PSD3: variants seen among roughly 807,000 people sequenced by gnomAD.
The protein encoded by PSD3 is PH and SEC7 domain-containing protein 3.
A neutral mutation model predicts 105.5 loss-of-function variants in PSD3; 49 were observed. The ratio of observed to expected loss-of-function variants is 0.46; its 90% confidence interval spans 0.37 to 0.59. The LOEUF (loss-of-function observed/expected upper bound fraction) is 0.59. PSD3 is among the 20% of genes least tolerant of loss of function. The pLI, the probability that PSD3 is intolerant of heterozygous loss-of-function variation, is 0.00. For synonymous variants in PSD3, 557 were observed against 457.8 expected, an observed-to-expected ratio of 1.22 and a Z score of -2.77; for missense variants, 1,561 against 1,263.8, an observed-to-expected ratio of 1.24 and a Z score of -3.57.
intron 3 of PSD3, among the ~76,000 whole-genome samples, 180 bp downstream of exon 3, chr8:18,871,446 T>A (rs760501796): frequency 6.6e-6 from 1 of 152,198 alleles, no homozygotes; most frequent in Non-Finnish European, 1.5e-5. Flanking sequence ...CACTTTAATA[T>A]CTGAGAAGCT....
At chr8:19,083,890 A>G (rs2129478450) in intron 1 of PSD3, among the ~76,000 whole-genome samples, 1 of 152,244 alleles carries the variant, frequency 6.6e-6, no homozygotes, top group African/African-American at 2.4e-5. Context: ...ATGTCTGGGT[A>G]CCTCCTTTGT....
At chr8:18,694,025 G>C (rs1029290036) in intron 9 of PSD3, among the ~76,000 whole-genome samples, 1 of 152,142 alleles carries the variant, frequency 6.6e-6, no homozygotes, top group Non-Finnish European at 1.5e-5. Flanking sequence ...AAAAGAATTT[G>C]GGATCTGAAA....
rs115604510 is a variant in PSD3, at chr8:19,006,456, G to C, written c.21+7107C>G. Among the ~76,000 whole-genome samples, 1,002 of 151,914 alleles carry C rather than the reference G, an allele frequency of 6.6e-3. 15 individuals carry two copies. The highest frequency in any genetic ancestry group is 0.023 in the African/African-American group (955 of 41,466). On this transcript the variant is annotated intron_variant, in intron 1 of 15. Coordinates refer to ENST00000327040, the MANE Select transcript of PSD3 (RefSeq NM_015310.4). ...CCACGCTTTTGTATTGTTATGCCTT[G>C]ATACTGTGGTTCCACCACAAATTAC...
intron 11 of PSD3, among the ~76,000 whole-genome samples, chr8:18,611,040 A>C (rs1227551603): frequency 6.6e-6 from 1 of 152,178 alleles, no homozygotes; most frequent in Non-Finnish European, 1.5e-5. Context: ...CCCCTAAATA[A>C]TTTACATATA....
intron 1 of PSD3, among the ~76,000 whole-genome samples, chr8:19,063,931 C>G (rs1205237803): frequency 6.6e-6 from 1 of 152,056 alleles, no homozygotes; most frequent in Non-Finnish European, 1.5e-5. Flanking sequence ...CACTTGAGGT[C>G]AGGAGTTCGA....
In PSD3 at chr8:18,529,392, A is replaced by G. The variant is rs1799545739; in HGVS notation, c.*6351T>C. On this transcript the variant is annotated 3_prime_UTR_variant, in exon 16 of 16. Transcript: ENST00000327040. Reference sequence around the variant, plus strand: ...TTGCATCTTAAGGTCTTATGTTTGTATAACTTAAAACATTCACTGTGTGTG... The same window carrying G: ...TTGCATCTTAAGGTCTTATGTTTGTGTAACTTAAAACATTCACTGTGTGTG... 1 of 152,194 alleles carries G rather than the reference A, an allele frequency of 6.6e-6. No homozygotes were observed. The highest frequency in any genetic ancestry group is 2.4e-5 in the African/African-American group (1 of 41,406). The allele number at this position is 152,194 out of a possible 1,614,324, so 9.4% of individuals were successfully genotyped here.
chr8:18,860,712 G>A (rs1282755173), intron 4 of PSD3, among the ~76,000 whole-genome samples: 1 of 151,510 alleles, frequency 6.6e-6, no homozygotes, highest in African/African-American at 2.4e-5. Flanking sequence ...AACATCCAAT[G>A]TTGCAAATAT....
chr8:18,873,767 G>A (rs951480229), intron 2 of PSD3, among the ~76,000 whole-genome samples: 1 of 152,104 alleles, frequency 6.6e-6, no homozygotes, highest in Non-Finnish European at 1.5e-5. Flanking sequence ...CATCATTCTA[G>A]TTTCTGCTTC....
At chr8:18,704,324 C>T (rs1383306072) in intron 9 of PSD3, among the ~76,000 whole-genome samples, 4 of 152,300 alleles carry the variant, frequency 2.6e-5, no homozygotes, top group Non-Finnish European at 5.9e-5. Context: ...ACCTTAAACT[C>T]CGTGTATAAA....
intron 9 of PSD3, among the ~76,000 whole-genome samples, chr8:18,714,441 A>C (rs992254014): frequency 6.6e-6 from 1 of 151,564 alleles, no homozygotes; most frequent in African/African-American, 2.4e-5. Flanking sequence ...AAAAAAAAAA[A>C]CCAAACAACC....
At position 18,892,172 on chromosome 8, in the gene PSD3, C is replaced by G. The variant is rs564973551; in HGVS notation, c.131-19439G>C. Among the ~76,000 whole-genome samples the G allele has an allele frequency of 4.4e-3, 451 of 102,972 alleles. 2 individuals are homozygous for G. Among genetic ancestry groups the G allele is most frequent in the African/African-American group, 0.018 (437 of 23,972 alleles). The allele number at this position is 102,972 out of a possible 152,430, so 67.6% of individuals were successfully genotyped here. A position where few individuals can be genotyped will look rare whatever the true frequency, so the allele number is the denominator to read the frequency against. The stretch of plus-strand genomic sequence containing the variant: ...CCTATTGTTTGCTGTCACTTACTTA[C>G]AATCACACACACACACACACAAACT... On this transcript the variant is annotated intron_variant, in intron 2 of 15. Coordinates refer to ENST00000327040, the MANE Select transcript of PSD3 (RefSeq NM_015310.4).
chr8:18,696,879 A>T (rs1305535177), intron 9 of PSD3, among the ~76,000 whole-genome samples: 1 of 152,206 alleles, frequency 6.6e-6, no homozygotes, highest in Non-Finnish European at 1.5e-5. Context: ...TAAAATGTGT[A>T]AAAAGAAAAC....
chr8:19,072,915 C>T (rs868084573), intron 1 of PSD3, among the ~76,000 whole-genome samples: 6 of 152,224 alleles, frequency 3.9e-5, no homozygotes, highest in South Asian at 2.1e-4. Context: ...ACTTTTGTAC[C>T]GTTGAAATTT....
intron 4 of PSD3, among the ~76,000 whole-genome samples, chr8:18,860,031 T>C (rs1816319946): frequency 6.6e-6 from 1 of 152,172 alleles, no homozygotes; most frequent in Non-Finnish European, 1.5e-5. Flanking sequence ...GTTTAATCCT[T>C]TCTAGAATTT....
intron 10 of PSD3, among the ~76,000 whole-genome samples, chr8:18,649,992 GT>G (rs1394114442): frequency 6.6e-6 from 1 of 152,118 alleles, no homozygotes; most frequent in Non-Finnish European, 1.5e-5. Context: ...AACCTCTTTT[GT>G]TTACAAATTA....
intron 6 of PSD3, among the ~76,000 whole-genome samples, chr8:18,802,116 A>G (rs1810750871): frequency 6.6e-6 from 1 of 152,052 alleles, no homozygotes; most frequent in Admixed American, 6.6e-5. Context: ...TGCACAGGAG[A>G]TTTCTGTTAA....
At chr8:18,850,400 T>C (rs1815467123) in intron 4 of PSD3, among the ~76,000 whole-genome samples, 1 of 152,236 alleles carries the variant, frequency 6.6e-6, no homozygotes. Context: ...TGATCAAAGA[T>C]GATCAGCTGT....
At chr8:18,955,756 T>TTTTA (rs150325859) in intron 1 of PSD3, among the ~76,000 whole-genome samples, 87,602 of 149,538 alleles carry the variant, frequency 0.59, 25,798 homozygotes, top group Middle Eastern at 0.72. Flanking sequence ...TCTTAGCATA[T>TTTTA]TTTATTTATT....
At chr8:19,068,571 G>C (rs953697150) in intron 1 of PSD3, among the ~76,000 whole-genome samples, 1 of 152,124 alleles carries the variant, frequency 6.6e-6, no homozygotes, top group Non-Finnish European at 1.5e-5. Flanking sequence ...GATTACATGC[G>C]TGAGCCATTA....
Sources: gnomAD v4.1 joint callset for allele counts (sites outside exome capture counted in the v4.1 genomes callset) on GRCh38, gnomAD v4.1.1 for gene constraint, MANE v1.5 for transcripts, NCBI Gene and HGNC (gene_info 2026-07-23, HGNC 2026-07-21) for gene names.